Variants in FAAH2 observed in about 807,000 individuals in gnomAD.
The protein encoded by FAAH2 is fatty-acid amide hydrolase 2.
FAAH2 carries 60 observed loss-of-function variants against 36.9 expected under a neutral mutation model. That is an observed-to-expected ratio of 1.63 (90% CI 1.32 to 2.02). The LOEUF is 2.02. FAAH2 is among the 30% of genes most tolerant of loss of function. FAAH2 has a pLI of 0.00. For missense variants in FAAH2, 689 were observed against 397.5 expected (o/e 1.73, Z -6.23); for synonymous variants, 214 against 143.8 (o/e 1.49, Z -3.49).
chrX:57,163,681 G>T, the FAAH2 span, among the ~76,000 whole-genome samples: 1 of 112,457 alleles, frequency 8.9e-6, no homozygotes, highest in East Asian at 2.8e-4. Context: ...CTGACCCCTT[G>T]CACTTCTCAA....
chrX:57,200,953 A>G, the FAAH2 span, among the ~76,000 whole-genome samples: 4 of 110,315 alleles, frequency 3.6e-5, no homozygotes. Context: ...AATTGTTATG[A>G]TATTGGTAAA....
chrX:57,141,593 C>G, the FAAH2 span, among the ~76,000 whole-genome samples: 1 of 111,245 alleles, frequency 9.0e-6, no homozygotes, highest in Non-Finnish European at 1.9e-5. Flanking sequence ...TATTTTATTA[C>G]CATTGCTATC....
At chrX:57,399,379 T>C (rs1386287608) in intron 7 of FAAH2, among the ~76,000 whole-genome samples, 1 of 111,962 alleles carries the variant, frequency 8.9e-6, no homozygotes, top group Non-Finnish European at 1.9e-5. Flanking sequence ...ATAATTTCCA[T>C]GGGTTAGCTG....
the FAAH2 span, among the ~76,000 whole-genome samples, chrX:57,189,533 TG>T: frequency 1.5e-4 from 17 of 109,993 alleles, no homozygotes; most frequent in Admixed American, 1.6e-3. Flanking sequence ...TATCTACCTT[TG>T]GTCTTTCAAG....
intron 5 of FAAH2, among the ~76,000 whole-genome samples, chrX:57,362,148 T>A (rs1053239822): frequency 2.7e-5 from 3 of 111,256 alleles, no homozygotes; most frequent in Non-Finnish European, 5.7e-5. Context: ...GTGGCACATA[T>A]ACATCATGGA....
intron 10 of FAAH2, among the ~76,000 whole-genome samples, chrX:57,459,489 G>C (rs930407018): frequency 2.7e-5 from 3 of 112,493 alleles, no homozygotes; most frequent in African/African-American, 9.7e-5. Flanking sequence ...CAGTGGTCAA[G>C]CTCTGCTAAG....
At chrX:57,177,467 AAT>A in the FAAH2 span, among the ~76,000 whole-genome samples, 100 of 102,642 alleles carry the variant, frequency 9.7e-4, no homozygotes, top group African/African-American at 3.4e-3. Context: ...TAATAATAAT[AAT>A]ATATATATAA....
At chrX:57,477,552 C>T (rs1022984307) in intron 10 of FAAH2, among the ~76,000 whole-genome samples, 1 of 110,936 alleles carries the variant, frequency 9.0e-6, no homozygotes, top group African/African-American at 3.3e-5. Context: ...AGGTTTGTTA[C>T]ACATGTATAC....
chrX:57,196,984 TTTCTC>T, the FAAH2 span, among the ~76,000 whole-genome samples: 1 of 112,130 alleles, frequency 8.9e-6, no homozygotes, highest in Admixed American at 9.4e-5. Flanking sequence ...AACTTTTAAA[TTTCTC>T]TTCTTTTGGG....
At chrX:57,122,891 G>GA in the FAAH2 span, among the ~76,000 whole-genome samples, 1 of 112,142 alleles carries the variant, frequency 8.9e-6, no homozygotes, top group Non-Finnish European at 1.9e-5. Flanking sequence ...CATTGATCAT[G>GA]AAAAAGCTTC....
intron 7 of FAAH2, among the ~76,000 whole-genome samples, chrX:57,406,136 G>A (rs1436226056): frequency 9.0e-6 from 1 of 111,607 alleles, no homozygotes; most frequent in African/African-American, 3.3e-5. Context: ...TGACTGTAAT[G>A]GATGTCATGT....
intron 5 of FAAH2, among the ~76,000 whole-genome samples, chrX:57,343,851 C>T (rs964746474): frequency 4.5e-5 from 5 of 111,404 alleles, no homozygotes; most frequent in South Asian, 3.7e-4. Context: ...GTTATCCCGG[C>T]GCCATTTATT....
chrX:57,375,462 A>G (rs901446205), intron 5 of FAAH2, among the ~76,000 whole-genome samples: 1 of 102,301 alleles, frequency 9.8e-6, no homozygotes, highest in Non-Finnish European at 2.0e-5. Context: ...GGAGAGTTGT[A>G]TATTTCCAGG....
chrX:57,244,236 T>C, the FAAH2 span, among the ~76,000 whole-genome samples: 1 of 110,180 alleles, frequency 9.1e-6, no homozygotes, highest in Non-Finnish European at 1.9e-5. Context: ...CCAAAGTATA[T>C]GGGACCATGT....
the FAAH2 span, among the ~76,000 whole-genome samples, chrX:57,131,628 T>C: frequency 5.4e-5 from 6 of 111,971 alleles, no homozygotes; most frequent in Admixed American, 9.5e-5. Flanking sequence ...GGTTACAAAC[T>C]TGCAAAGAGT....
rs779935619 is a variant in FAAH2, at chrX:57,334,456, T to C, written c.622+2649T>C. Among the ~76,000 whole-genome samples, 5 of 110,067 alleles carry C rather than the reference T, an allele frequency of 4.5e-5. No homozygotes were observed. The South Asian group carries it at 2.0e-3, about 43-fold the overall frequency. On this transcript the variant is annotated intron_variant, in intron 4 of 10. Transcript: ENST00000374900. ...CAGTAGAGCAACAGAGCAAGAAATG[T>C]TAAAAGATGTTCTTCATAGAGAAAA... is the stretch of plus-strand genomic sequence containing the variant.
At chrX:57,418,578 C>A (rs1384942916) in intron 7 of FAAH2, among the ~76,000 whole-genome samples, 1 of 110,939 alleles carries the variant, frequency 9.0e-6, no homozygotes, top group Non-Finnish European at 1.9e-5. Context: ...TAACCAGTCC[C>A]AATGAGATGA....
At chrX:57,380,362 A>C in intron 6 of FAAH2, among the ~76,000 whole-genome samples, 1 of 111,342 alleles carries the variant, frequency 9.0e-6, no homozygotes, top group South Asian at 3.8e-4. Context: ...CTGTCTATTT[A>C]CTACTACAGG....
At chrX:57,468,020 A>C (rs1569365233) in intron 10 of FAAH2, among the ~76,000 whole-genome samples, 1 of 111,901 alleles carries the variant, frequency 8.9e-6, no homozygotes, top group Non-Finnish European at 1.9e-5. Context: ...AACTCAAACA[A>C]TCCTGCAGCT....
Sources: allele counts gnomAD v4.1 joint callset (sites outside exome capture counted in the v4.1 genomes callset), GRCh38; gene constraint gnomAD v4.1.1; transcripts MANE v1.5; gene names NCBI Gene and HGNC (gene_info 2026-07-23, HGNC 2026-07-21).